LDB2: variants seen among roughly 807,000 people sequenced by gnomAD.
LDB2 encodes LIM domain-binding protein 2.
A neutral mutation model predicts 44.3 loss-of-function variants in LDB2; 12 were observed. That is an observed-to-expected ratio of 0.27 (90% CI 0.17 to 0.44). LDB2 has a LOEUF of 0.44. Among genes scored for constraint, LDB2 ranks in the 20% least tolerant of loss-of-function variants. The probability of loss-of-function intolerance (pLI) is 1.00; values close to 1 mark genes in which losing one functional copy is unlikely to be tolerated. For missense variants in LDB2, 344 were observed against 473.5 expected (o/e 0.73, Z 2.54); for synonymous variants, 164 against 174.8 (o/e 0.94, Z 0.49).
At chr4:16,504,306 G>GTCT (rs1034932426) in intron 7 of LDB2, among the ~76,000 whole-genome samples, 3 of 152,132 alleles carry the variant, frequency 2.0e-5, no homozygotes, top group African/African-American at 7.2e-5. Context: ...TTACCCCCTA[G>GTCT]TCTTTTACAA....
chr4:16,607,917 G>T (rs1724393480), intron 2 of LDB2, among the ~76,000 whole-genome samples: 1 of 152,028 alleles, frequency 6.6e-6, no homozygotes, highest in Admixed American at 6.6e-5. Context: ...CAGAGGTAAG[G>T]CCACTTTCAT....
At position 16,750,384 on chromosome 4, in the gene LDB2, C is replaced by T. The variant is rs1765265357; in HGVS notation, c.235+8774G>A. ...CATGTGCTCAACACCTGCCCAGATG[C>T]CTGGCACAGTCAACGGTAGAAGGCC... On this transcript the variant is annotated intron_variant, in intron 2 of 7. Transcript: ENST00000304523. Among the ~76,000 whole-genome samples the T allele has an allele frequency of 2.6e-5, 4 of 152,162 alleles. 1 individual carries two copies. In the South Asian group the frequency reaches 8.3e-4, roughly 32 times the overall value.
At chr4:16,725,778 CA>C (rs1426875738) in intron 2 of LDB2, among the ~76,000 whole-genome samples, 1 of 151,916 alleles carries the variant, frequency 6.6e-6, no homozygotes, top group Non-Finnish European at 1.5e-5. Context: ...CTACCAAAAG[CA>C]AGTGACAGTG....
chr4:16,726,962 T>A (rs1759619940), intron 2 of LDB2, among the ~76,000 whole-genome samples: 1 of 152,242 alleles, frequency 6.6e-6, no homozygotes, highest in South Asian at 2.1e-4. Flanking sequence ...TGTATAATTA[T>A]TTCTTAACAA....
rs1054778101 is a variant in LDB2 at position 16,582,336 on chromosome 4, G to A, written c.615+3586C>T. Among the ~76,000 whole-genome samples, 6 of 152,156 alleles carry A rather than the reference G, an allele frequency of 3.9e-5. No homozygotes were observed. The highest frequency in any genetic ancestry group is 1.3e-4 in the Admixed American group (2 of 15,278). On this transcript the variant is annotated intron_variant, in intron 5 of 7. Coordinates refer to ENST00000304523, the MANE Select transcript of LDB2 (RefSeq NM_001290.5). The surrounding 1 kb of genome is among the most constrained non-coding windows in gnomAD (Gnocchi z 4.8). ...CTCCACAGCCAGGTCTCATTGACCCGGATGGCCCAATGCGCACTAAACTGC... is the reference window on the plus strand; with the variant it reads ...CTCCACAGCCAGGTCTCATTGACCCAGATGGCCCAATGCGCACTAAACTGC...
intron 1 of LDB2, among the ~76,000 whole-genome samples, chr4:16,845,569 T>A (rs1786811432): frequency 6.6e-6 from 1 of 152,182 alleles, no homozygotes; most frequent in African/African-American, 2.4e-5. Flanking sequence ...TGATTCCCTA[T>A]TATCCCAACA....
chr4:16,558,459 A>G (rs961965672), intron 5 of LDB2, among the ~76,000 whole-genome samples: 2 of 152,260 alleles, frequency 1.3e-5, no homozygotes, highest in Non-Finnish European at 2.9e-5. Flanking sequence ...AAAGGGTATC[A>G]GTGATGGAAG....
chr4:16,845,129 G>A (rs917954238), intron 1 of LDB2, among the ~76,000 whole-genome samples: 9 of 152,196 alleles, frequency 5.9e-5, no homozygotes, highest in Admixed American at 5.9e-4. Flanking sequence ...AAGCTAGCAG[G>A]TGGAGGCTGC....
At chr4:16,737,843 C>T (rs187214352) in intron 2 of LDB2, among the ~76,000 whole-genome samples, 35 of 152,182 alleles carry the variant, frequency 2.3e-4, no homozygotes, top group African/African-American at 8.2e-4. Context: ...TTTTGTTTTT[C>T]TGTGTTTTAA....
At chr4:16,677,368 A>T (rs1298764355) in intron 2 of LDB2, among the ~76,000 whole-genome samples, 1 of 152,260 alleles carries the variant, frequency 6.6e-6, no homozygotes, top group Non-Finnish European at 1.5e-5. Flanking sequence ...TTCACAATCA[A>T]CAAAACAGAA....
chr4:16,715,036 A>C lies in LDB2; in HGVS notation c.235+44122T>G, dbSNP rs1579012101. ...CAGTCAACTTATTAACAAATAGCTA[A>C]TATTTAGTGAGATGTCATATGTGAC... is the stretch of plus-strand genomic sequence containing the variant. On this transcript the variant is annotated intron_variant, in intron 2 of 7. Transcript: ENST00000304523. 3.3e-5 allele frequency among the ~76,000 whole-genome samples: 5 copies of C among 152,242 alleles called. 1 individual carries two copies. In the South Asian group the frequency reaches 1.0e-3, roughly 32 times the overall value.
intron 2 of LDB2, among the ~76,000 whole-genome samples, chr4:16,674,652 C>T (rs1745777950): frequency 6.6e-6 from 1 of 152,174 alleles, no homozygotes; most frequent in African/African-American, 2.4e-5. Flanking sequence ...GGTCCGTCTG[C>T]TCCCCAATTT....
At chr4:16,867,396 C>T (rs1187865358) in intron 1 of LDB2, among the ~76,000 whole-genome samples, 1 of 152,118 alleles carries the variant, frequency 6.6e-6, no homozygotes, top group Non-Finnish European at 1.5e-5. Flanking sequence ...AAAGGCCCTG[C>T]TCAGGGCACT....
chr4:16,529,450 G>A (rs1245969826), intron 5 of LDB2, among the ~76,000 whole-genome samples: 1 of 152,144 alleles, frequency 6.6e-6, no homozygotes, highest in Non-Finnish European at 1.5e-5. Context: ...TTCATCCTCA[G>A]CAGAAATGGG....
At position 16,789,121 on chromosome 4, in the gene LDB2, G is replaced by T. The variant is rs377037011; in HGVS notation, c.133-29861C>A. ...GGGGAGCAGGCAGCGGAAAGAGGTG[G>T]CCTGAGAAGATGCCAGGAGGTGGAG... is the stretch of plus-strand genomic sequence containing the variant. On this transcript the variant is annotated intron_variant, in intron 1 of 7. Transcript: ENST00000304523. 5.9e-5 allele frequency among the ~76,000 whole-genome samples: 9 copies of T among 152,286 alleles called. 1 individual carries two copies. The South Asian group carries it at 1.2e-3, about 21-fold the overall frequency.
intron 1 of LDB2, among the ~76,000 whole-genome samples, chr4:16,821,582 G>A (rs1445435669): frequency 1.3e-5 from 2 of 149,458 alleles, no homozygotes; most frequent in Non-Finnish European, 3.0e-5. Flanking sequence ...GTAGAGACGA[G>A]GATTCACCGT....
At chr4:16,765,481 T>C (rs1411982004) in intron 1 of LDB2, among the ~76,000 whole-genome samples, 1 of 152,240 alleles carries the variant, frequency 6.6e-6, no homozygotes, top group Non-Finnish European at 1.5e-5. Flanking sequence ...ATAGAGCGTA[T>C]ATGAAATTAT....
intron 2 of LDB2, among the ~76,000 whole-genome samples, chr4:16,740,041 A>G (rs1350902121): frequency 6.6e-6 from 1 of 152,036 alleles, no homozygotes; most frequent in South Asian, 2.1e-4. Flanking sequence ...TTTTTTGAAC[A>G]TAAAATAAAG....
At chr4:16,780,234 T>G (rs1439259248) in intron 1 of LDB2, among the ~76,000 whole-genome samples, 1 of 152,160 alleles carries the variant, frequency 6.6e-6, no homozygotes, top group East Asian at 1.9e-4. Flanking sequence ...TATTTTATTA[T>G]TTTTTTGAGA....
Sources: gnomAD v4.1 joint callset for allele counts (sites outside exome capture counted in the v4.1 genomes callset) on GRCh38, gnomAD v4.1.1 for gene constraint, Gnocchi (gnomAD v3.1) non-coding constraint, MANE v1.5 for transcripts, NCBI Gene and HGNC (gene_info 2026-07-23, HGNC 2026-07-21) for gene names.